Variants in CNTNAP2 observed in about 807,000 individuals in gnomAD.
CNTNAP2 encodes contactin associated protein 2, also known as contactin-associated protein-like 2.
A neutral mutation model predicts 155.2 loss-of-function variants in CNTNAP2; 98 were observed. That is an observed-to-expected ratio of 0.63 (90% CI 0.54 to 0.75). CNTNAP2 has a LOEUF of 0.75. CNTNAP2 is among the 30% of genes least tolerant of loss of function. CNTNAP2 has a pLI of 0.00. For synonymous variants in CNTNAP2, 651 were observed against 631.2 expected (o/e 1.03, Z -0.47); for missense variants, 1,727 against 1,688.1 (o/e 1.02, Z -0.40).
chr7:146,944,064 T>C (rs755457120), intron 3 of CNTNAP2, among the ~76,000 whole-genome samples: 1 of 152,172 alleles, frequency 6.6e-6, no homozygotes, highest in Non-Finnish European at 1.5e-5. Flanking sequence ...TTTCTGTGTG[T>C]AAGTTTTGAT....
intron 1 of CNTNAP2, among the ~76,000 whole-genome samples, chr7:146,466,246 C>G (rs187835207): frequency 6.6e-6 from 1 of 152,252 alleles, no homozygotes; most frequent in Non-Finnish European, 1.5e-5. Flanking sequence ...TGCACCGGGT[C>G]AGAGGATCTG....
chr7:147,626,145 G>A (rs1794970989), intron 12 of CNTNAP2, among the ~76,000 whole-genome samples: 1 of 151,968 alleles, frequency 6.6e-6, no homozygotes, highest in African/African-American at 2.4e-5. Flanking sequence ...GTTTCAACTG[G>A]GCACAAATCT....
At chr7:147,355,578 T>C (rs1161669649) in intron 9 of CNTNAP2, among the ~76,000 whole-genome samples, 1 of 151,764 alleles carries the variant, frequency 6.6e-6, no homozygotes. Flanking sequence ...GAGAATCATA[T>C]AGACACAATA....
rs1215329446 is a variant in CNTNAP2, at chr7:146,451,477, G to A, written c.98-322794G>A. Among the ~76,000 whole-genome samples, 3 of 152,146 alleles carry A rather than the reference G, an allele frequency of 2.0e-5. No individual in the cohort carries two copies. In the East Asian group the frequency reaches 5.8e-4, roughly 29 times the overall value. On this transcript the variant is annotated intron_variant, in intron 1 of 23. Transcript: ENST00000361727. ...AGCCTACACTCTTGACATAAACAAGGCCAGCTCCATGGGGATGCGACCTAT... is the reference window on the plus strand; with the variant it reads ...AGCCTACACTCTTGACATAAACAAGACCAGCTCCATGGGGATGCGACCTAT...
At chr7:147,587,507 G>T (rs1297453037) in intron 12 of CNTNAP2, among the ~76,000 whole-genome samples, 1 of 152,054 alleles carries the variant, frequency 6.6e-6, no homozygotes, top group African/African-American at 2.4e-5. Context: ...TTTTGAACTT[G>T]ATCTAGTTTG....
intron 13 of CNTNAP2, among the ~76,000 whole-genome samples, chr7:147,640,699 G>A (rs74742774): frequency 0.043 from 6,612 of 152,216 alleles, 439 homozygotes; most frequent in Admixed American, 0.15. Context: ...GACATACGTG[G>A]AGTGGTTTTA....
chr7:146,397,099 G>A (rs1358084), intron 1 of CNTNAP2, among the ~76,000 whole-genome samples: 80,657 of 151,928 alleles, frequency 0.53, 24,366 homozygotes, highest in African/African-American at 0.83. Context: ...GAAGAGATGG[G>A]CTACTAGTTG....
At chr7:148,057,307 G>T (rs1173028396) in intron 15 of CNTNAP2, among the ~76,000 whole-genome samples, 1 of 152,156 alleles carries the variant, frequency 6.6e-6, no homozygotes, top group Non-Finnish European at 1.5e-5. Flanking sequence ...TCTCCATGAG[G>T]ATCAATCGCT....
At chr7:148,191,264 C>G (rs1795199600) in intron 18 of CNTNAP2, among the ~76,000 whole-genome samples, 1 of 152,008 alleles carries the variant, frequency 6.6e-6, no homozygotes, top group South Asian at 2.1e-4. Flanking sequence ...TGCTCTCTCT[C>G]TCTCTCTCTC....
chr7:146,328,140 C>T (rs1018002106), intron 1 of CNTNAP2, among the ~76,000 whole-genome samples: 2 of 152,116 alleles, frequency 1.3e-5, no homozygotes, highest in Non-Finnish European at 2.9e-5. Context: ...GTCAGATCAA[C>T]GATGGCATTT....
chr7:146,982,068 A>G (rs1798028697), intron 3 of CNTNAP2, among the ~76,000 whole-genome samples: 1 of 152,160 alleles, frequency 6.6e-6, no homozygotes, highest in African/African-American at 2.4e-5. Context: ...ATTATATAAC[A>G]TTATTCTTTC....
intron 1 of CNTNAP2, among the ~76,000 whole-genome samples, chr7:146,166,972 G>A (rs1798321271): frequency 6.6e-6 from 1 of 152,196 alleles, no homozygotes; most frequent in Non-Finnish European, 1.5e-5. Flanking sequence ...ATGGAATGAA[G>A]CAGGCTTCCC....
chr7:147,902,796 G>GTA (rs1563129534), intron 13 of CNTNAP2, among the ~76,000 whole-genome samples: 82 of 137,918 alleles, frequency 5.9e-4, no homozygotes, highest in African/African-American at 2.0e-3. Flanking sequence ...GTGTGTGTGT[G>GTA]TGTGTGTGTG....
At chr7:146,601,497 C>A (rs1385224150) in intron 1 of CNTNAP2, among the ~76,000 whole-genome samples, 1 of 151,944 alleles carries the variant, frequency 6.6e-6, no homozygotes, top group Non-Finnish European at 1.5e-5. Context: ...CCTATGGTTG[C>A]AGATAGGAAG....
At chr7:147,852,694 C>G (rs970529998) in intron 13 of CNTNAP2, among the ~76,000 whole-genome samples, 2 of 152,158 alleles carry the variant, frequency 1.3e-5, no homozygotes, top group Non-Finnish European at 1.5e-5. Context: ...TGTCATCTCA[C>G]GGCTGACACC....
chr7:146,954,943 A>G (rs1434172205), intron 3 of CNTNAP2, among the ~76,000 whole-genome samples: 2 of 151,950 alleles, frequency 1.3e-5, no homozygotes, highest in East Asian at 1.9e-4. Context: ...GCTCCCCAGC[A>G]TCAATAGAAA....
intron 8 of CNTNAP2, among the ~76,000 whole-genome samples, chr7:147,137,285 A>G (rs868378898): frequency 2.0e-4 from 31 of 151,358 alleles, no homozygotes; most frequent in African/African-American, 6.5e-4. Context: ...ATTTTTAATA[A>G]AAACTTAAGT....
chr7:146,414,419 C>T (rs915769217), intron 1 of CNTNAP2, among the ~76,000 whole-genome samples: 4 of 151,040 alleles, frequency 2.6e-5, no homozygotes, highest in African/African-American at 9.9e-5. Flanking sequence ...TGTAGCTTCT[C>T]TTGAGAAATC....
chr7:146,175,596 G>A lies in CNTNAP2; in HGVS notation c.97+58623G>A, dbSNP rs765038371. Among the ~76,000 whole-genome samples, 16 of 152,240 alleles carry A rather than the reference G, an allele frequency of 1.1e-4. 2 individuals carry two copies. The highest frequency in any genetic ancestry group is 9.7e-4 in the East Asian group (5 of 5,180). Reference sequence around the variant, plus strand: ...GATTGCCATTAATTTTAGAATCTACGTGGAATCTTAATGATTGTGAATGAC... The same window carrying A: ...GATTGCCATTAATTTTAGAATCTACATGGAATCTTAATGATTGTGAATGAC... On this transcript the variant is annotated intron_variant, in intron 1 of 23. Coordinates refer to ENST00000361727, the MANE Select transcript of CNTNAP2 (RefSeq NM_014141.6).
Sources: allele counts gnomAD v4.1 joint callset (sites outside exome capture counted in the v4.1 genomes callset), GRCh38; gene constraint gnomAD v4.1.1; transcripts MANE v1.5; gene names NCBI Gene and HGNC (gene_info 2026-07-23, HGNC 2026-07-21).